UGT2B11: variants seen among roughly 807,000 people sequenced by gnomAD.
The protein encoded by UGT2B11 is UDP-glucuronosyltransferase 2B11.
A neutral mutation model predicts 51.7 loss-of-function variants in UGT2B11; 49 were observed. The ratio of observed to expected loss-of-function variants is 0.95; its 90% CI spans 0.75 to 1.20. The LOEUF (loss-of-function observed/expected upper bound fraction) is 1.20, where lower values mean the gene tolerates loss of function less well. Among genes scored for constraint, UGT2B11 ranks in the 50% most tolerant of loss-of-function variants. UGT2B11 has a pLI of 0.00. For missense variants in UGT2B11, 810 were observed against 622.1 expected (o/e 1.30, Z -3.21); for synonymous variants, 273 against 209.0 (o/e 1.31, Z -2.64).
chr4:69,200,311 AATTTTT>A lies in UGT2B11; in HGVS notation c.*123_*128del, dbSNP rs942509105. 2.3e-4 allele frequency: 228 copies of A among 999,118 alleles called. No individual in the cohort carries two copies. Among genetic ancestry groups the A allele is most frequent in the African/African-American group, 4.9e-4 (26 of 53,506 alleles). The allele number at this position is 999,118 out of a possible 1,614,324, so 61.9% of individuals were successfully genotyped here. A position where few individuals can be genotyped will look rare whatever the true frequency, so the allele number is the denominator to read the frequency against. On this transcript the variant is annotated 3_prime_UTR_variant, in exon 6 of 6. Coordinates refer to ENST00000446444, the MANE Select transcript of UGT2B11 (RefSeq NM_001073.3). ...TTTTACTTGACAAGGTAGATTTGAA[AATTTTT>A]TTTTTTTTTTTTTTTTTGTCACAGG...
chr4:69,221,851 G>C, the UGT2B11 span, among the ~76,000 whole-genome samples: 1 of 152,254 alleles, frequency 6.6e-6, no homozygotes, highest in African/African-American at 2.4e-5. Context: ...CTTGCCCCAG[G>C]CACACTCAGT....
At chr4:69,219,846 C>G in the UGT2B11 span, among the ~76,000 whole-genome samples, 1 of 152,150 alleles carries the variant, frequency 6.6e-6, no homozygotes, top group African/African-American at 2.4e-5. Flanking sequence ...GGTGAGGGAA[C>G]AGCCAAATCA....
At chr4:69,204,358 A>G in intron 5 of UGT2B11, 72 bp downstream of exon 5, 2 of 1,581,750 alleles carry the variant, frequency 1.3e-6, no homozygotes, top group East Asian at 2.3e-5. Flanking sequence ...AAAAAGGATG[A>G]AACTCATGCT....
intron 3 of UGT2B11, among the ~76,000 whole-genome samples, chr4:69,206,230 A>T (rs1721850765): frequency 6.6e-6 from 1 of 151,552 alleles, no homozygotes; most frequent in African/African-American, 2.4e-5. Context: ...AACCTAAATG[A>T]CCATCAATTA....
Position 69,209,233 on chromosome 4 carries a change from T to A in UGT2B11, c.871-751A>T, listed in dbSNP as rs13119197. Among the ~76,000 whole-genome samples the A allele has an allele frequency of 5.9e-5, 9 of 151,706 alleles. No homozygotes were observed. In the South Asian group the frequency reaches 1.9e-3, roughly 31 times the overall value. On this transcript the variant is annotated intron_variant, in intron 2 of 5. Coordinates refer to ENST00000446444, the MANE Select transcript of UGT2B11 (RefSeq NM_001073.3). ...GTTGAATAATTGTACCTTTTGGGTT[T>A]TTGTTTAGGTGGAGCACCTATTGCC...
upstream of UGT2B11, among the ~76,000 whole-genome samples, chr4:69,219,366 T>C (rs1411794882): frequency 6.6e-6 from 1 of 152,182 alleles, no homozygotes; most frequent in African/African-American, 2.4e-5. Flanking sequence ...ATGCATAGTT[T>C]ACAATTATAT....
At chr4:69,222,212 A>T in the UGT2B11 span, among the ~76,000 whole-genome samples, 1 of 152,372 alleles carries the variant, frequency 6.6e-6, no homozygotes, top group South Asian at 2.1e-4. Context: ...CCTAAGGCAG[A>T]GTTTTGGAGT....
At chr4:69,202,572 T>A (rs1721701465) in intron 5 of UGT2B11, among the ~76,000 whole-genome samples, 1 of 151,694 alleles carries the variant, frequency 6.6e-6, no homozygotes, top group Non-Finnish European at 1.5e-5. Flanking sequence ...CAAGTTGATA[T>A]ATACAATACA....
chr4:69,201,880 G>T (rs1721673092), intron 5 of UGT2B11, among the ~76,000 whole-genome samples: 1 of 151,734 alleles, frequency 6.6e-6, no homozygotes, highest in Non-Finnish European at 1.5e-5. Flanking sequence ...AGATCATCTT[G>T]AACATTATCT....
chr4:69,200,400 CCTAT>C lies in UGT2B11; in HGVS notation c.*36_*39del. 1.3e-6 allele frequency: 2 copies of C among 1,537,120 alleles called. No individual in the cohort carries two copies. Among genetic ancestry groups the C allele is most frequent in the Non-Finnish European group, 1.8e-6 (2 of 1,138,774 alleles). On this transcript the variant is annotated 3_prime_UTR_variant, in exon 6 of 6. Coordinates refer to ENST00000446444, the MANE Select transcript of UGT2B11 (RefSeq NM_001073.3). Reference sequence around the variant, plus strand: ...TCTTGCTGGAATAAACTGAAGTTGTCCTATCTATCTGGTTTTCCAGCTTCAAATG... The same window carrying C: ...TCTTGCTGGAATAAACTGAAGTTGTCCTATCTGGTTTTCCAGCTTCAAATG...
upstream of UGT2B11, among the ~76,000 whole-genome samples, chr4:69,219,506 G>T (rs1722358161): frequency 6.6e-6 from 1 of 152,004 alleles, no homozygotes; most frequent in Non-Finnish European, 1.5e-5. Flanking sequence ...TACTGTACTA[G>T]CGTTTTCTCA....
At position 69,200,483 on chromosome 4, in the gene UGT2B11, A is replaced by G. The variant is rs764204162; in HGVS notation, c.1547T>C (p.Phe516Ser). Reference sequence around the variant, plus strand: ...CTTCCCTTTTCTAGCAAACTTCCAGAAACAAAACAGACAAAACTTTGTGAT... The same window carrying G: ...CTTCCCTTTTCTAGCAAACTTCCAGGAACAAAACAGACAAAACTTTGTGAT... ...FIITKFCLFC[F>S]WKFARKGKKG... The change falls in exon 6 of 6, where the codon TTC becomes TCC. Residue 516 changes from phenylalanine to serine, a missense_variant. Phe to Ser is a radical substitution (Grantham distance 155). Coordinates refer to ENST00000446444, the MANE Select transcript of UGT2B11 (RefSeq NM_001073.3). The G allele has an allele frequency of 1.4e-5, 22 of 1,611,998 alleles. No individual in the cohort carries two copies. Among genetic ancestry groups the G allele is most frequent in the Non-Finnish European group, 1.9e-5 (22 of 1,178,756 alleles).
intron 2 of UGT2B11, among the ~76,000 whole-genome samples, chr4:69,211,586 C>T (rs1722066167): frequency 6.6e-6 from 1 of 151,492 alleles, no homozygotes; most frequent in Non-Finnish European, 1.5e-5. Context: ...ATGCCAGAGA[C>T]ATTTTAAGTG....
At chr4:69,216,003 C>T (rs1722262691), upstream of UGT2B11, 1 of 151,980 alleles carries the variant, frequency 6.6e-6, no homozygotes. Context: ...TTTCACCTTT[C>T]TACAAATGTG....
the UGT2B11 span, among the ~76,000 whole-genome samples, chr4:69,224,767 CT>C: frequency 6.8e-6 from 1 of 147,402 alleles, no homozygotes; most frequent in Admixed American, 6.8e-5. Context: ...AAAAAAAAAG[CT>C]GTAGGCTTTA....
chr4:69,210,623 C>T (rs1442012571), intron 2 of UGT2B11, among the ~76,000 whole-genome samples: 1 of 151,506 alleles, frequency 6.6e-6, no homozygotes. Flanking sequence ...TCTTCCTCCT[C>T]CAATTTGCAC....
Position 69,208,499 on chromosome 4 carries a change from G to T in UGT2B11, c.871-17C>A. On this transcript the variant is annotated splice_polypyrimidine_tract_variant and intron_variant, in intron 2 of 5. Transcript: ENST00000446444. ...CTCCATTTCCTGTGAAAAAAAAATT[G>T]TTTCATCACAAAAGAGTATCACCAC... The T allele has an allele frequency of 1.2e-6, 2 of 1,606,154 alleles. No individual in the cohort carries two copies. The highest frequency in any genetic ancestry group is 2.2e-5 in the East Asian group (1 of 44,650).
the UGT2B11 span, among the ~76,000 whole-genome samples, chr4:69,221,334 A>G: frequency 6.6e-6 from 1 of 152,172 alleles, no homozygotes; most frequent in Non-Finnish European, 1.5e-5. Flanking sequence ...TAAATTTCTA[A>G]CAATATCCTG....
rs1365495261 is a variant in UGT2B11, at chr4:69,200,313, T to A, written c.*127A>T. On this transcript the variant is annotated 3_prime_UTR_variant, in exon 6 of 6. Transcript: ENST00000446444. Reference sequence around the variant, plus strand: ...TTACTTGACAAGGTAGATTTGAAAATTTTTTTTTTTTTTTTTTTTTTGTCA... The same window carrying A: ...TTACTTGACAAGGTAGATTTGAAAAATTTTTTTTTTTTTTTTTTTTTGTCA... 13 of 79,470 alleles carry A rather than the reference T, an allele frequency of 1.6e-4. No homozygotes were observed. The highest frequency in any genetic ancestry group is 3.5e-4 in the South Asian group (1 of 2,894). The allele number at this position is 79,470 out of a possible 1,614,324, so 4.9% of individuals were successfully genotyped here.
Sources: allele counts gnomAD v4.1 joint callset (sites outside exome capture counted in the v4.1 genomes callset), GRCh38; gene constraint gnomAD v4.1.1; transcripts MANE v1.5; gene names NCBI Gene and HGNC (gene_info 2026-07-23, HGNC 2026-07-21).